Variants in PDK3 observed in about 807,000 individuals in gnomAD.
The protein encoded by PDK3 is pyruvate dehydrogenase kinase 3.
In PDK3, 12 loss-of-function variants were observed where a neutral mutation model predicts 32.0. The observed-to-expected ratio is 0.37, with a 90% CI of 0.24 to 0.61. The LOEUF (loss-of-function observed/expected upper bound fraction) is 0.61. PDK3 is among the 20% of genes least tolerant of loss of function. The probability of loss-of-function intolerance (pLI) is 0.65; values close to 1 mark genes in which losing one functional copy is unlikely to be tolerated. For synonymous variants in PDK3, 122 were observed against 116.3 expected, an observed-to-expected ratio of 1.05 and a Z score of -0.31; for missense variants, 188 against 316.9, an observed-to-expected ratio of 0.59 and a Z score of 3.09.
At chrX:24,504,590 C>T (rs1205658580) in intron 4 of PDK3, among the ~76,000 whole-genome samples, 1 of 112,249 alleles carries the variant, frequency 8.9e-6, no homozygotes, top group Non-Finnish European at 1.9e-5. Context: ...ATAAGAACAC[C>T]TATAAATATT....
At chrX:24,496,517 A>G (rs2148188952) in intron 2 of PDK3, among the ~76,000 whole-genome samples, 1 of 102,218 alleles carries the variant, frequency 9.8e-6, no homozygotes, top group African/African-American at 3.7e-5. Flanking sequence ...GTCTTCTAAT[A>G]TGTAGAACTT....
chrX:24,505,708 A>G (rs1318450831), intron 5 of PDK3, among the ~76,000 whole-genome samples: 1 of 112,179 alleles, frequency 8.9e-6, no homozygotes. Context: ...TTTAGAATTT[A>G]TGTGGCATGT....
At chrX:24,465,635 C>T in intron 1 of PDK3, 74 bp downstream of exon 1, 1 of 769,227 alleles carries the variant, frequency 1.3e-6, no homozygotes. Flanking sequence ...ATCTCCGCAG[C>T]TTCGGGGTAA....
chrX:24,479,360 G>A (rs1265732466), intron 1 of PDK3, among the ~76,000 whole-genome samples: 1 of 112,042 alleles, frequency 8.9e-6, no homozygotes, highest in Non-Finnish European at 1.9e-5. Context: ...GCCCTTCATG[G>A]CCAGGGTACT....
Position 24,476,752 on chromosome X carries a change from A to G in PDK3, c.106+11191A>G, listed in dbSNP as rs146530606. Among the ~76,000 whole-genome samples, 448 of 111,489 alleles carry G rather than the reference A, an allele frequency of 4.0e-3. 2 individuals carry two copies. The highest frequency in any genetic ancestry group is 0.013 in the African/African-American group (398 of 30,657). ...GTGTTGCACACTGCGGGTTTTGACA[A>G]CTCCTGTTTTTGTAAATAAAGTTTT... On this transcript the variant is annotated intron_variant, in intron 1 of 10. Transcript: ENST00000379162.
intron 2 of PDK3, among the ~76,000 whole-genome samples, chrX:24,498,380 TC>T (rs1401627127): frequency 1.8e-5 from 2 of 111,120 alleles, no homozygotes; most frequent in South Asian, 7.6e-4. Context: ...CAGACTGGAT[TC>T]CCCCCTGGTG....
chrX:24,537,117 C>CTTTTTTTTTTTTT (rs34294652), downstream of PDK3, among the ~76,000 whole-genome samples: 1 of 82,753 alleles, frequency 1.2e-5, no homozygotes, highest in Non-Finnish European at 2.3e-5. Flanking sequence ...CTTTTCTTTT[C>CTTTTTTTTTTTTT]TTTTTTTTTT....
intron 10 of PDK3, 124 bp downstream of exon 10, chrX:24,531,894 T>C: frequency 2.4e-6 from 1 of 412,305 alleles, no homozygotes. Flanking sequence ...CATTTTCCCA[T>C]GAAAACCATG....
At chrX:24,532,244 C>T (rs113083790) in intron 10 of PDK3, among the ~76,000 whole-genome samples, 18,196 of 108,626 alleles carry the variant, frequency 0.17, 1,466 homozygotes, top group Non-Finnish European at 0.25. Context: ...CCAGCCTGGG[C>T]GACAGAATGA....
At chrX:24,523,745 G>A (rs1001479052) in intron 6 of PDK3, among the ~76,000 whole-genome samples, 4 of 111,383 alleles carry the variant, frequency 3.6e-5, no homozygotes, top group Non-Finnish European at 7.5e-5. Flanking sequence ...AAGCATTTGG[G>A]GGCCTCTCTG....
chrX:24,503,712 A>T (rs1017339471), intron 4 of PDK3, among the ~76,000 whole-genome samples: 1 of 112,333 alleles, frequency 8.9e-6, no homozygotes. Context: ...AAAGGCTTTT[A>T]TGAGGCTCAC....
At chrX:24,532,683 G>A (rs770431138) in intron 10 of PDK3, among the ~76,000 whole-genome samples, 3 of 111,716 alleles carry the variant, frequency 2.7e-5, no homozygotes, top group South Asian at 3.7e-4. Flanking sequence ...GATCACCACC[G>A]GTCTCAGCGT....
chrX:24,518,254 G>C (rs1049703506), intron 5 of PDK3, among the ~76,000 whole-genome samples: 16 of 111,592 alleles, frequency 1.4e-4, no homozygotes, highest in Non-Finnish European at 2.6e-4. Flanking sequence ...AGGCCAAAGA[G>C]GGTGGATCAC....
At chrX:24,508,555 A>T (rs951354765) in intron 5 of PDK3, among the ~76,000 whole-genome samples, 1 of 111,281 alleles carries the variant, frequency 9.0e-6, no homozygotes, top group African/African-American at 3.3e-5. Context: ...CAGAGCGATT[A>T]AGTGGTGCTA....
In PDK3 at chrX:24,491,677, G is replaced by A. The variant is rs144690831; in HGVS notation, c.107-3065G>A. On this transcript the variant is annotated intron_variant, in intron 1 of 10. Coordinates refer to ENST00000379162, the MANE Select transcript of PDK3 (RefSeq NM_005391.5). Reference sequence around the variant, plus strand: ...CTAGTCAGAAAGAGGACTCAGAGCCGGGCACGGTGGCTCATGCCTGTAATC... The same window carrying A: ...CTAGTCAGAAAGAGGACTCAGAGCCAGGCACGGTGGCTCATGCCTGTAATC... Among the ~76,000 whole-genome samples, 926 of 111,574 alleles carry A rather than the reference G, an allele frequency of 8.3e-3. 4 individuals are homozygous for A. The highest frequency in any genetic ancestry group is 0.013 in the Non-Finnish European group (706 of 53,029).
intron 1 of PDK3, 58 bp downstream of exon 1, chrX:24,465,619 C>T (rs1186581584): frequency 8.2e-6 from 7 of 851,575 alleles, no homozygotes; most frequent in Non-Finnish European, 1.2e-5. Flanking sequence ...CGGGCTGCCA[C>T]CCCGGATCTC....
chrX:24,543,149 T>C (rs1360006447), exon 12 of PDK3, among the ~76,000 whole-genome samples: 1 of 112,479 alleles, frequency 8.9e-6, no homozygotes, highest in Middle Eastern at 4.2e-3. Flanking sequence ...TGTTGCCTTT[T>C]TCTGGAATGC....
intron 6 of PDK3, among the ~76,000 whole-genome samples, chrX:24,522,949 C>T (rs755603220): frequency 2.7e-5 from 3 of 110,256 alleles, no homozygotes; most frequent in African/African-American, 6.6e-5. Flanking sequence ...AATAAAATGA[C>T]GATAAAGGAA....
At chrX:24,472,338 A>C (rs993697359) in intron 1 of PDK3, among the ~76,000 whole-genome samples, 2 of 112,116 alleles carry the variant, frequency 1.8e-5, no homozygotes, top group Non-Finnish European at 3.8e-5. Context: ...TACTTGATGC[A>C]GTTAATTTTT....
Sources: allele counts gnomAD v4.1 joint callset (sites outside exome capture counted in the v4.1 genomes callset), GRCh38; gene constraint gnomAD v4.1.1; transcripts MANE v1.5; gene names NCBI Gene and HGNC (gene_info 2026-07-23, HGNC 2026-07-21).